The following FAM20A variants were observed in gnomAD, a reference collection of about 807,000 sequenced individuals.
The protein encoded by FAM20A is FAM20A golgi associated secretory pathway pseudokinase.
Under a neutral mutation model 52.0 loss-of-function variants are expected in FAM20A, and 42 were observed. The observed-to-expected ratio is 0.81, with a 90% CI of 0.63 to 1.04. FAM20A has a LOEUF of 1.04. Among genes scored for constraint, FAM20A ranks in the 50% least tolerant of loss-of-function variants. The pLI, the probability that FAM20A is intolerant of heterozygous loss-of-function variation, is 0.00. For missense variants in FAM20A, 742 were observed against 712.7 expected, an observed-to-expected ratio of 1.04 and a Z score of -0.47; for synonymous variants, 304 against 298.9, an observed-to-expected ratio of 1.02 and a Z score of -0.18.
At chr17:68,538,606 T>G (rs2086164587) in intron 10 of FAM20A, among the ~76,000 whole-genome samples, 1 of 152,244 alleles carries the variant, frequency 6.6e-6, no homozygotes, top group Non-Finnish European at 1.5e-5. Context: ...CGTGCCTTCT[T>G]CCAGTCTGCA....
At chr17:68,538,062 C>T (rs575191694) in intron 10 of FAM20A, among the ~76,000 whole-genome samples, 1 of 152,288 alleles carries the variant, frequency 6.6e-6, no homozygotes, top group African/African-American at 2.4e-5. Context: ...TAGGATTTTT[C>T]AAGGAGATTT....
chr17:68,541,413 TCA>T, intron 7 of FAM20A: 3 of 220,362 alleles, frequency 1.4e-5, no homozygotes, highest in Non-Finnish European at 1.8e-5. Flanking sequence ...TTCTCAGCCT[TCA>T]CAGAGTCCCT....
rs560686148 is a variant in FAM20A, at chr17:68,600,629, A to T, written c.38T>A (p.Leu13Gln). 1.3e-6 allele frequency: 2 copies of T among 1,560,672 alleles called. No individual in the cohort carries two copies. Among genetic ancestry groups the T allele is most frequent in the African/African-American group, 2.7e-5 (2 of 74,124 alleles). ...GLRRDRLLTL[L>Q]LLGALLSADL... ...GGCGGAGAGCAGCGCGCCCAGCAGC[A>T]GCAGAGTCAGTAGGCGGTCCCGGCG... is the stretch of plus-strand genomic sequence containing the variant. Residue 13 changes from leucine (L) to glutamine (Q), a missense_variant, in exon 1 of 11, where the codon CTG becomes CAG. Coordinates refer to ENST00000592554, the MANE Select transcript of FAM20A (RefSeq NM_017565.4). This position sits in a 1 kb window ranked among gnomAD's most constrained non-coding sequence, Gnocchi z 6.2.
Position 68,536,975 on chromosome 17 carries a change from G to A in FAM20A, c.*502C>T. On this transcript the variant is annotated 3_prime_UTR_variant, in exon 11 of 11. Coordinates refer to ENST00000592554, the MANE Select transcript of FAM20A (RefSeq NM_017565.4). ...ACTAGAATATGAGTAGAAAGTGTGA[G>A]GTCTAATTTGAACCTGTCAGAGTTA... 2 of 454,452 alleles carry A rather than the reference G, an allele frequency of 4.4e-6. No homozygotes were observed. The highest frequency in any genetic ancestry group is 3.1e-5 in the South Asian group (2 of 64,494). The allele number at this position is 454,452 out of a possible 1,614,324, so 28.2% of individuals were successfully genotyped here. A position where few individuals can be genotyped will look rare whatever the true frequency, so the allele number is the denominator to read the frequency against.
chr17:68,570,242 A>T (rs968734853), intron 1 of FAM20A, among the ~76,000 whole-genome samples: 2 of 151,922 alleles, frequency 1.3e-5, no homozygotes, highest in African/African-American at 4.8e-5. Context: ...CACCTGGCTA[A>T]TTTTTGTATT....
In FAM20A at chr17:68,600,311, C is replaced by T; in HGVS notation, c.356G>A (p.Ser119Asn). 6.3e-7 allele frequency: 1 copy of T among 1,586,810 alleles called. No individual in the cohort carries two copies. The highest frequency in any genetic ancestry group is 8.6e-7 in the Non-Finnish European group (1 of 1,166,974). Reference sequence around the variant, plus strand: ...CCGGTAATACCGCAGCGCCTCCTGGCTGGCCAGGAGCGAGTCCTCGGCTCC... The same window carrying T: ...CCGGTAATACCGCAGCGCCTCCTGGTTGGCCAGGAGCGAGTCCTCGGCTCC... ...LLGAEDSLLASQEALRYYRRK... is the reference protein window; with the variant it reads ...LLGAEDSLLANQEALRYYRRK... Residue 119 changes from serine to asparagine, a missense_variant, in exon 1 of 11, where the codon AGC becomes AAC. Coordinates refer to ENST00000592554, the MANE Select transcript of FAM20A (RefSeq NM_017565.4). The surrounding 1 kb of genome is among the most constrained non-coding windows in gnomAD (Gnocchi z 6.2).
chr17:68,557,424 C>G (rs1472167206), intron 1 of FAM20A: 1 of 151,932 alleles, frequency 6.6e-6, no homozygotes, highest in Non-Finnish European at 1.5e-5. Flanking sequence ...GGGTAGCCCT[C>G]ATGAATGGGA....
chr17:68,552,023 A>G (rs1438244113), intron 3 of FAM20A, 72 bp from the exon 4 acceptor site: 5 of 974,556 alleles, frequency 5.1e-6, no homozygotes, highest in Admixed American at 4.0e-5. Context: ...TGTTCCTTCA[A>G]TAAGCCCAGC....
chr17:68,539,054 GGTGGATAGCT>G (rs1277383581), intron 10 of FAM20A, among the ~76,000 whole-genome samples: 1 of 152,166 alleles, frequency 6.6e-6, no homozygotes, highest in Middle Eastern at 3.2e-3. Context: ...ACAACACAGT[GGTGGATAGCT>G]GTGTATATAA....
At chr17:68,562,897 A>G (rs1186569040) in intron 1 of FAM20A, among the ~76,000 whole-genome samples, 3 of 152,190 alleles carry the variant, frequency 2.0e-5, no homozygotes, top group South Asian at 2.1e-4. Context: ...AGAGCTGCCA[A>G]TGACCAGAAA....
intron 1 of FAM20A, among the ~76,000 whole-genome samples, chr17:68,576,797 A>C (rs573056141): frequency 6.6e-6 from 1 of 152,294 alleles, no homozygotes; most frequent in South Asian, 2.1e-4. Flanking sequence ...TGCCCTGTTG[A>C]TTTTGCTCAG....
At chr17:68,546,931 T>C (rs969848000) in intron 4 of FAM20A, among the ~76,000 whole-genome samples, 1 of 152,062 alleles carries the variant, frequency 6.6e-6, no homozygotes, top group Non-Finnish European at 1.5e-5. Flanking sequence ...AAAACAACAT[T>C]AGTCTCCTCG....
rs1034220824 is a variant in FAM20A, at chr17:68,551,882, T to C, written c.710A>G (p.Lys237Arg). ...RFSDFGKAMF[K>R]PMRQQRDEET... is the part of the protein sequence containing the mutation. ...GAAGGCAGTCACTTACCTCATGGGT[T>C]TGAACATGGCCTTCCCGAAATCCGA... The change falls in exon 4 of 11, where the codon AAA (lysine) becomes AGA (arginine). Residue 237 changes from lysine to arginine, a missense_variant. Coordinates refer to ENST00000592554, the MANE Select transcript of FAM20A (RefSeq NM_017565.4). The C allele has an allele frequency of 1.3e-6, 2 of 1,583,258 alleles. No individual in the cohort carries two copies. The highest frequency in any genetic ancestry group is 1.7e-6 in the Non-Finnish European group (2 of 1,162,586).
At position 68,554,193 on chromosome 17, in the gene FAM20A, C is replaced by T. The variant is rs552783629; in HGVS notation, c.640+584G>A. ...TTGCCTAGGCTGGAGTGCAGTGGCA[C>T]GATCTCAGTTCACTGCAAACTCCAC... On this transcript the variant is annotated intron_variant, in intron 3 of 10. Transcript: ENST00000592554. 6.6e-5 allele frequency among the ~76,000 whole-genome samples: 10 copies of T among 151,990 alleles called. No homozygotes were observed. The East Asian group carries it at 1.2e-3, about 18-fold the overall frequency.
At chr17:68,572,021 T>TATATAATATATATATATATATATATATA (rs2087573920) in intron 1 of FAM20A, among the ~76,000 whole-genome samples, 1 of 120,724 alleles carries the variant, frequency 8.3e-6, no homozygotes, top group African/African-American at 3.4e-5. Context: ...TATATATATA[T>TATATAATATATATATATATATATATATA]ATATATATAT....
rs1398600623 is a variant in FAM20A, at chr17:68,537,459, A to G, written c.*18T>C. ...TCTGGCTCCAGGCGTATTTTCTGAA[A>G]CTGGACTCTGCCAGCCCTTAGCTTG... On this transcript the variant is annotated 3_prime_UTR_variant, in exon 11 of 11. Coordinates refer to ENST00000592554, the MANE Select transcript of FAM20A (RefSeq NM_017565.4). The surrounding 1 kb of genome is among the most constrained non-coding windows in gnomAD (Gnocchi z 4.2). The G allele has an allele frequency of 7.4e-6, 12 of 1,613,858 alleles. No homozygotes were observed. Among genetic ancestry groups the G allele is most frequent in the Non-Finnish European group, 8.5e-6 (10 of 1,180,000 alleles).
At chr17:68,555,785 C>T in intron 1 of FAM20A, 42 bp from the exon 2 acceptor site, 1 of 1,605,112 alleles carries the variant, frequency 6.2e-7, no homozygotes. Flanking sequence ...AACAAGAATG[C>T]AAAGACCCAC....
At chr17:68,591,393 C>T (rs755324779) in intron 1 of FAM20A, among the ~76,000 whole-genome samples, 1 of 152,204 alleles carries the variant, frequency 6.6e-6, no homozygotes, top group Non-Finnish European at 1.5e-5. Context: ...GCCACCGCAC[C>T]CGGCCCCAAG....
intron 3 of FAM20A, among the ~76,000 whole-genome samples, chr17:68,552,633 G>C (rs1195128057): frequency 6.6e-6 from 1 of 151,614 alleles, no homozygotes; most frequent in African/African-American, 2.4e-5. Flanking sequence ...CTGAAGAAAA[G>C]GGAAGCCTGG....
Sources: allele counts gnomAD v4.1 joint callset (sites outside exome capture counted in the v4.1 genomes callset), GRCh38; gene constraint gnomAD v4.1.1; non-coding constraint Gnocchi (gnomAD v3.1); transcripts MANE v1.5; gene names NCBI Gene and HGNC (gene_info 2026-07-23, HGNC 2026-07-21).